The following LRFN5 variants were observed in gnomAD, a reference collection of about 807,000 sequenced individuals.
LRFN5 encodes the protein leucine-rich repeat and fibronectin type-III domain-containing protein 5.
Under a neutral mutation model 45.6 loss-of-function variants are expected in LRFN5, and 24 were observed. The ratio of observed to expected loss-of-function variants is 0.53; its 90% CI spans 0.38 to 0.74. LRFN5 has a LOEUF of 0.74. Ranked by LOEUF, LRFN5 falls within the 30% of genes least tolerant of loss-of-function variation. The probability of loss-of-function intolerance (pLI) is 0.00; values close to 1 mark genes in which losing one functional copy is unlikely to be tolerated. For missense variants in LRFN5, 776 were observed against 861.5 expected, an observed-to-expected ratio of 0.90 and a Z score of 1.24; for synonymous variants, 340 against 313.8, an observed-to-expected ratio of 1.08 and a Z score of -0.88.
intron 1 of LRFN5, among the ~76,000 whole-genome samples, chr14:41,621,188 TATC>T (rs1415306414): frequency 6.6e-6 from 1 of 152,132 alleles, no homozygotes; most frequent in Non-Finnish European, 1.5e-5. Context: ...AACAATGTCA[TATC>T]ATTCTAAAGA....
chr14:41,650,040 C>T (rs1475579854), intron 1 of LRFN5, among the ~76,000 whole-genome samples: 3 of 151,982 alleles, frequency 2.0e-5, no homozygotes, highest in African/African-American at 4.8e-5. Context: ...TTTTATTTTG[C>T]GTTTTAGTTA....
At chr14:41,860,464 G>C (rs1889622117) in intron 2 of LRFN5, among the ~76,000 whole-genome samples, 1 of 151,888 alleles carries the variant, frequency 6.6e-6, no homozygotes, top group African/African-American at 2.4e-5. Context: ...ATATACGTCA[G>C]TTCATCAAAA....
chr14:41,743,197 A>AT (rs774352932), intron 1 of LRFN5, among the ~76,000 whole-genome samples: 8 of 152,112 alleles, frequency 5.3e-5, no homozygotes, highest in African/African-American at 7.2e-5. Flanking sequence ...CATGTTGTGC[A>AT]TTTTTTTATA....
intron 1 of LRFN5, among the ~76,000 whole-genome samples, chr14:41,725,425 AG>A (rs1883889586): frequency 1.3e-5 from 2 of 152,220 alleles, no homozygotes; most frequent in Non-Finnish European, 2.9e-5. Context: ...TGTGGTAGTT[AG>A]GTCAGGACTA....
intron 2 of LRFN5, among the ~76,000 whole-genome samples, chr14:41,873,288 T>A (rs1051024730): frequency 6.6e-5 from 10 of 152,136 alleles, no homozygotes; most frequent in Admixed American, 1.3e-4. Flanking sequence ...AGAGCTTTTT[T>A]AAATTTTTCT....
chr14:41,704,023 A>T lies in LRFN5; in HGVS notation c.-196-62831A>T, dbSNP rs117909422. Among the ~76,000 whole-genome samples the T allele has an allele frequency of 5.9e-3, 893 of 152,228 alleles. 3 individuals are homozygous for T. Among genetic ancestry groups the T allele is most frequent in the Non-Finnish European group, 0.01 (702 of 68,016 alleles). ...TACCCCAGAATTTTTTACCCTGTCA[A>T]TATGACCTTCTATATTCTAGACTCA... On this transcript the variant is annotated intron_variant, in intron 1 of 5. Transcript: ENST00000298119.
At chr14:41,842,588 A>G (rs1185636645) in intron 2 of LRFN5, among the ~76,000 whole-genome samples, 1 of 152,176 alleles carries the variant, frequency 6.6e-6, no homozygotes, top group African/African-American at 2.4e-5. Context: ...TATAAGCATT[A>G]AATACACTGA....
intron 1 of LRFN5, among the ~76,000 whole-genome samples, chr14:41,682,709 T>A (rs894027538): frequency 5.9e-5 from 9 of 152,162 alleles, no homozygotes; most frequent in African/African-American, 2.2e-4. Flanking sequence ...AATGGATACA[T>A]TCCTAGAAAC....
intron 1 of LRFN5, among the ~76,000 whole-genome samples, chr14:41,690,178 C>G (rs1021914968): frequency 6.6e-6 from 1 of 151,854 alleles, no homozygotes; most frequent in Admixed American, 6.6e-5. Flanking sequence ...TACTTCATAA[C>G]CAAGTCCTAT....
intron 1 of LRFN5, among the ~76,000 whole-genome samples, chr14:41,667,069 C>G (rs967056624): frequency 4.6e-5 from 7 of 152,082 alleles, no homozygotes; most frequent in African/African-American, 1.7e-4. Flanking sequence ...AGAGCAAAAG[C>G]TGTATTTAAG....
chr14:41,859,698 T>C (rs992497688), intron 2 of LRFN5, among the ~76,000 whole-genome samples: 2 of 152,212 alleles, frequency 1.3e-5, no homozygotes, highest in African/African-American at 2.4e-5. Context: ...TCCAAATATA[T>C]AGAAATTCAT....
chr14:41,795,254 G>A (rs537065387), intron 2 of LRFN5, among the ~76,000 whole-genome samples: 31 of 152,020 alleles, frequency 2.0e-4, no homozygotes, highest in East Asian at 1.6e-3. Context: ...TTAGAATGGC[G>A]ATCATTAAAA....
At chr14:41,898,088 A>G (rs924854434) in intron 4 of LRFN5, among the ~76,000 whole-genome samples, 2 of 152,064 alleles carry the variant, frequency 1.3e-5, no homozygotes, top group African/African-American at 4.8e-5. Context: ...TCCAAAGACC[A>G]TTGTATATTT....
chr14:41,777,643 A>G (rs1482834573), intron 2 of LRFN5, among the ~76,000 whole-genome samples: 1 of 151,866 alleles, frequency 6.6e-6, no homozygotes, highest in Non-Finnish European at 1.5e-5. Flanking sequence ...TGAGCATGCT[A>G]GGAGCTCTAT....
intron 1 of LRFN5, among the ~76,000 whole-genome samples, chr14:41,636,768 A>G (rs1879326980): frequency 6.6e-6 from 1 of 152,138 alleles, no homozygotes; most frequent in African/African-American, 2.4e-5. Context: ...TATTACTTAC[A>G]GATAAGCAGA....
chr14:41,763,576 ATGG>A (rs1885757262), intron 1 of LRFN5, among the ~76,000 whole-genome samples: 1 of 152,136 alleles, frequency 6.6e-6, no homozygotes, highest in African/African-American at 2.4e-5. Flanking sequence ...TGGGAGGGAC[ATGG>A]TGGGAAGGAA....
At chr14:41,903,160 T>G (rs1328517158) in intron 5 of LRFN5, among the ~76,000 whole-genome samples, 1 of 151,526 alleles carries the variant, frequency 6.6e-6, no homozygotes, top group Non-Finnish European at 1.5e-5. Context: ...TTTGAAATGT[T>G]TTCTTAAATA....
chr14:41,642,303 G>T (rs988191309), intron 1 of LRFN5, among the ~76,000 whole-genome samples: 2 of 152,186 alleles, frequency 1.3e-5, no homozygotes, highest in African/African-American at 2.4e-5. Context: ...TAGAGTAAAA[G>T]GTTGTTTGTG....
At chr14:41,763,560 G>T (rs184549409) in intron 1 of LRFN5, among the ~76,000 whole-genome samples, 2 of 152,236 alleles carry the variant, frequency 1.3e-5, no homozygotes, top group Non-Finnish European at 2.9e-5. Context: ...CCCATGTGTC[G>T]TGTCGTGGGA....
Sources: allele counts gnomAD v4.1 joint callset (sites outside exome capture counted in the v4.1 genomes callset), GRCh38; gene constraint gnomAD v4.1.1; transcripts MANE v1.5; gene names NCBI Gene and HGNC (gene_info 2026-07-23, HGNC 2026-07-21).